Variants in DERA observed in about 807,000 individuals in gnomAD.
DERA encodes deoxyribose-phosphate aldolase, also known as 2-deoxy-D-ribose 5-phosphate aldolase.
In DERA, 15 loss-of-function variants were observed where a neutral mutation model predicts 41.1. The ratio of observed to expected loss-of-function variants is 0.37; its 90% CI spans 0.24 to 0.56. The LOEUF is 0.56. DERA is among the 20% of genes least tolerant of loss of function. The pLI is 0.81. For synonymous variants in DERA, 139 were observed against 137.4 expected, an observed-to-expected ratio of 1.01 and a Z score of -0.08; for missense variants, 396 against 403.4, an observed-to-expected ratio of 0.98 and a Z score of 0.16.
chr12:15,946,380 G>T (rs1437623971), intron 1 of DERA, among the ~76,000 whole-genome samples: 2 of 152,016 alleles, frequency 1.3e-5, no homozygotes, highest in South Asian at 2.1e-4. Flanking sequence ...GGTTGGTAAG[G>T]TATTGATTAT....
chr12:15,919,078 C>G (rs1948222812), intron 1 of DERA, among the ~76,000 whole-genome samples: 1 of 152,088 alleles, frequency 6.6e-6, no homozygotes, highest in South Asian at 2.1e-4. Context: ...TTTGTGAATG[C>G]TAACTACTTT....
In DERA at chr12:16,012,491, T is replaced by C. The variant is rs1948952978; in HGVS notation, c.638-20051T>C. On this transcript the variant is annotated intron_variant, in intron 6 of 8. Coordinates refer to ENST00000428559, the MANE Select transcript of DERA (RefSeq NM_015954.4). This position sits in a 1 kb window ranked among gnomAD's most constrained non-coding sequence, Gnocchi z 4.1. ...CCCTTAAAGAGATATTCTGTTTTTTTCTAAGGAGGGCAGGTTGAGTTACTT... is the reference window on the plus strand; with the variant it reads ...CCCTTAAAGAGATATTCTGTTTTTTCCTAAGGAGGGCAGGTTGAGTTACTT... Among the ~76,000 whole-genome samples, 1 of 152,206 alleles carries C rather than the reference T, an allele frequency of 6.6e-6. No homozygotes were observed. The highest frequency in any genetic ancestry group is 2.4e-5 in the African/African-American group (1 of 41,442).
chr12:15,936,952 T>TCCCGTCCC lies in DERA; in HGVS notation c.32-19984_32-19983insCCCGTCCC, dbSNP rs1565588764. Among the ~76,000 whole-genome samples, 1 of 149,120 alleles carries TCCCGTCCC rather than the reference T, an allele frequency of 6.7e-6. No homozygotes were observed. Among genetic ancestry groups the TCCCGTCCC allele is most frequent in the Non-Finnish European group, 1.5e-5 (1 of 67,490 alleles). On this transcript the variant is annotated intron_variant, in intron 1 of 8. Transcript: ENST00000428559. The surrounding 1 kb of genome is among the most constrained non-coding windows in gnomAD (Gnocchi z 4.6). ...TGTCCTGTCTTGTCCTGTCCCGTCC[T>TCCCGTCCC]GTCCTGCCCTGCCCTGCCCTGTCTT...
chr12:15,939,313 A>G (rs568706288), intron 1 of DERA, among the ~76,000 whole-genome samples: 113 of 152,348 alleles, frequency 7.4e-4, no homozygotes, highest in African/African-American at 2.6e-3. Context: ...GCAGCAGCAC[A>G]ACCACTCAGC....
chr12:15,948,260 G>A (rs954052192), intron 1 of DERA, among the ~76,000 whole-genome samples: 1 of 152,134 alleles, frequency 6.6e-6, no homozygotes, highest in Non-Finnish European at 1.5e-5. Flanking sequence ...GCCTTGCTAG[G>A]TTGGGGAAGT....
At chr12:16,007,714 G>A (rs1478036121) in intron 6 of DERA, among the ~76,000 whole-genome samples, 10 of 152,130 alleles carry the variant, frequency 6.6e-5, no homozygotes, top group Admixed American at 4.6e-4. Flanking sequence ...AAAATTTCTC[G>A]TTGATTCAGG....
At position 15,959,355 on chromosome 12, in the gene DERA, A is replaced by G. The variant is rs1439527903; in HGVS notation, c.278-474A>G. On this transcript the variant is annotated intron_variant, in intron 3 of 8. Transcript: ENST00000428559. This position sits in a 1 kb window ranked among gnomAD's most constrained non-coding sequence, Gnocchi z 4.5. Reference sequence around the variant, plus strand: ...CAGGGCTTCCGTTTCAGATTTTATTATTTCTTGCAAAAGAGGGAATAGGAT... The same window carrying G: ...CAGGGCTTCCGTTTCAGATTTTATTGTTTCTTGCAAAAGAGGGAATAGGAT... Among the ~76,000 whole-genome samples, 1 of 152,074 alleles carries G rather than the reference A, an allele frequency of 6.6e-6. No homozygotes were observed. The highest frequency in any genetic ancestry group is 1.5e-5 in the Non-Finnish European group (1 of 67,994).
chr12:15,931,855 T>C lies in DERA; in HGVS notation c.31+20441T>C, dbSNP rs752801555. On this transcript the variant is annotated intron_variant, in intron 1 of 8. Transcript: ENST00000428559. This position sits in a 1 kb window ranked among gnomAD's most constrained non-coding sequence, Gnocchi z 4.6. ...TAAAAATAATCTGGCTTCCTTGTTT[T>C]TTCTTCTGTTGCTTCGTCTCTTGAG... 3.3e-5 allele frequency among the ~76,000 whole-genome samples: 5 copies of C among 152,218 alleles called. No individual in the cohort carries two copies. Among genetic ancestry groups the C allele is most frequent in the Admixed American group, 6.5e-5 (1 of 15,286 alleles).
intron 1 of DERA, among the ~76,000 whole-genome samples, chr12:15,949,236 G>C (rs1948476758): frequency 6.6e-6 from 1 of 152,118 alleles, no homozygotes; most frequent in Non-Finnish European, 1.5e-5. Flanking sequence ...TGTCAGATAG[G>C]GACGTTTAAG....
intron 5 of DERA, among the ~76,000 whole-genome samples, chr12:15,980,711 CTG>C (rs534783142): frequency 2.3e-4 from 35 of 152,216 alleles, no homozygotes; most frequent in African/African-American, 7.7e-4. Context: ...TATTAAGGAT[CTG>C]TGAAAATAGT....
In DERA at chr12:16,008,764, C is replaced by T. The variant is rs1029170673; in HGVS notation, c.638-23778C>T. On this transcript the variant is annotated intron_variant, in intron 6 of 8. Coordinates refer to ENST00000428559, the MANE Select transcript of DERA (RefSeq NM_015954.4). The surrounding 1 kb of genome is among the most constrained non-coding windows in gnomAD (Gnocchi z 4.8). ...TCTCTCGTGGTTACAAGATGGCTGCCACAGCTCCAGTCATGTTTATATTCA... is the reference window on the plus strand; with the variant it reads ...TCTCTCGTGGTTACAAGATGGCTGCTACAGCTCCAGTCATGTTTATATTCA... Among the ~76,000 whole-genome samples, 4 of 152,126 alleles carry T rather than the reference C, an allele frequency of 2.6e-5. No homozygotes were observed. Among genetic ancestry groups the T allele is most frequent in the Admixed American group, 2.0e-4 (3 of 15,274 alleles).
At position 16,011,972 on chromosome 12, in the gene DERA, T is replaced by C. The variant is rs994793425; in HGVS notation, c.638-20570T>C. ...CAGAGGATAATGTGATAGAGACAGATAAAGAATTTTTCTAAATTAGGCAAT... is the reference window on the plus strand; with the variant it reads ...CAGAGGATAATGTGATAGAGACAGACAAAGAATTTTTCTAAATTAGGCAAT... On this transcript the variant is annotated intron_variant, in intron 6 of 8. Transcript: ENST00000428559. The surrounding 1 kb of genome is among the most constrained non-coding windows in gnomAD (Gnocchi z 4.7). Among the ~76,000 whole-genome samples, 1 of 151,860 alleles carries C rather than the reference T, an allele frequency of 6.6e-6. No homozygotes were observed. Among genetic ancestry groups the C allele is most frequent in the Non-Finnish European group, 1.5e-5 (1 of 68,016 alleles).
In DERA at chr12:15,995,353, A is replaced by G. The variant is rs1383091948; in HGVS notation, c.637+12917A>G. Reference sequence around the variant, plus strand: ...GGGGCCACCTGCCTATGATTGGCCCACAGTAACTCCTTGTTGAAAAGAAAA... The same window carrying G: ...GGGGCCACCTGCCTATGATTGGCCCGCAGTAACTCCTTGTTGAAAAGAAAA... On this transcript the variant is annotated intron_variant, in intron 6 of 8. Transcript: ENST00000428559. The surrounding 1 kb of genome is among the most constrained non-coding windows in gnomAD (Gnocchi z 5.1). Among the ~76,000 whole-genome samples the G allele has an allele frequency of 6.6e-6, 1 of 152,236 alleles. No individual in the cohort carries two copies. The highest frequency in any genetic ancestry group is 1.5e-5 in the Non-Finnish European group (1 of 68,042).
At position 15,941,039 on chromosome 12, in the gene DERA, A is replaced by G. The variant is rs1164797456; in HGVS notation, c.32-15897A>G. On this transcript the variant is annotated intron_variant, in intron 1 of 8. Coordinates refer to ENST00000428559, the MANE Select transcript of DERA (RefSeq NM_015954.4). This position sits in a 1 kb window ranked among gnomAD's most constrained non-coding sequence, Gnocchi z 4.5. The stretch of plus-strand genomic sequence containing the variant: ...ACTTTTTGTGAGGTCATTGTAACTG[A>G]TAGTTTTTGTTGTTGTTGTAGAATT... 6.6e-6 allele frequency among the ~76,000 whole-genome samples: 1 copy of G among 152,210 alleles called. No individual in the cohort carries two copies. Among genetic ancestry groups the G allele is most frequent in the Non-Finnish European group, 1.5e-5 (1 of 68,038 alleles).
chr12:15,944,829 C>T (rs1948435086), intron 1 of DERA, among the ~76,000 whole-genome samples: 1 of 152,082 alleles, frequency 6.6e-6, no homozygotes, highest in African/African-American at 2.4e-5. Context: ...AATGGTATTG[C>T]CTAGGTTTTC....
chr12:16,006,316 T>C (rs1041674011), intron 6 of DERA, among the ~76,000 whole-genome samples: 1 of 152,174 alleles, frequency 6.6e-6, no homozygotes, highest in Non-Finnish European at 1.5e-5. Context: ...AGGCTGAAAA[T>C]TGCGTTGCCA....
intron 1 of DERA, among the ~76,000 whole-genome samples, chr12:15,920,422 G>A (rs1035327521): frequency 5.3e-5 from 8 of 152,158 alleles, no homozygotes; most frequent in African/African-American, 1.9e-4. Flanking sequence ...AGCACGTTGC[G>A]TTACCTTCTT....
In DERA at chr12:16,019,294, G is replaced by T. The variant is rs1378766338; in HGVS notation, c.638-13248G>T. ...TTATTCCTCACTTAAAAAATAGCCA[G>T]TGTCTGCATGCCTGAACTATTTTTA... On this transcript the variant is annotated intron_variant, in intron 6 of 8. Transcript: ENST00000428559. This position sits in a 1 kb window ranked among gnomAD's most constrained non-coding sequence, Gnocchi z 4.4. Among the ~76,000 whole-genome samples, 2 of 152,152 alleles carry T rather than the reference G, an allele frequency of 1.3e-5. No individual in the cohort carries two copies. Among genetic ancestry groups the T allele is most frequent in the African/African-American group, 4.8e-5 (2 of 41,424 alleles).
Position 15,911,357 on chromosome 12 carries a change from G to T in DERA, c.-27G>T. 2 of 1,426,552 alleles carry T rather than the reference G, an allele frequency of 1.4e-6. No homozygotes were observed. Among genetic ancestry groups the T allele is most frequent in the African/African-American group, 1.5e-5 (1 of 66,694 alleles). The allele number at this position is 1,426,552 out of a possible 1,614,324, so 88.4% of individuals were successfully genotyped here. ...GCGGCGCAGAGGCGGGCGCCTACCA[G>T]CCGGCAGCTCCGGAGCTGCCCGCGC... is the stretch of plus-strand genomic sequence containing the variant. On this transcript the variant is annotated 5_prime_UTR_variant, in exon 1 of 9. Coordinates refer to ENST00000428559, the MANE Select transcript of DERA (RefSeq NM_015954.4). The surrounding 1 kb of genome is among the most constrained non-coding windows in gnomAD (Gnocchi z 4.5).
Sources: gnomAD v4.1 joint callset for allele counts (sites outside exome capture counted in the v4.1 genomes callset) on GRCh38, gnomAD v4.1.1 for gene constraint, Gnocchi (gnomAD v3.1) non-coding constraint, MANE v1.5 for transcripts, NCBI Gene and HGNC (gene_info 2026-07-23, HGNC 2026-07-21) for gene names.